The following DFFB variants were observed in gnomAD, a reference collection of about 807,000 sequenced individuals.
DFFB encodes the protein DNA fragmentation factor 40 kDa subunit.
DFFB carries 29 observed loss-of-function variants against 32.7 expected under a neutral mutation model. The observed-to-expected ratio is 0.89, with a 90% CI of 0.66 to 1.21. DFFB has a LOEUF of 1.21. DFFB is among the 50% of genes most tolerant of loss of function. The probability of loss-of-function intolerance (pLI) is 0.00; values close to 1 mark genes in which losing one functional copy is unlikely to be tolerated. For missense variants in DFFB, 398 were observed against 440.6 expected (o/e 0.90, Z 0.87); for synonymous variants, 170 against 177.1 (o/e 0.96, Z 0.32).
intron 5 of DFFB, among the ~76,000 whole-genome samples, chr1:3,870,524 G>A (rs1227158086): frequency 2.0e-5 from 3 of 152,214 alleles, no homozygotes; most frequent in Non-Finnish European, 4.4e-5. Context: ...TTTGCAGTGC[G>A]CTCGCTCACC....
At chr1:3,862,080 A>G (rs1432012382) in intron 2 of DFFB, among the ~76,000 whole-genome samples, 2 of 152,238 alleles carry the variant, frequency 1.3e-5, no homozygotes, top group African/African-American at 4.8e-5. Context: ...CTTCCAACGA[A>G]CAATCTGAAA....
rs981995428 is a variant in DFFB at position 3,884,940 on chromosome 1, C to T, written c.*1199C>T. ...TCTGTTGAACAGCTATCACGTTGAACCACGTGAAACTGCTGTTTTCTAGGC... is the reference window on the plus strand; with the variant it reads ...TCTGTTGAACAGCTATCACGTTGAATCACGTGAAACTGCTGTTTTCTAGGC... On this transcript the variant is annotated 3_prime_UTR_variant, in exon 7 of 7. Transcript: ENST00000378209. 6.6e-6 allele frequency: 1 copy of T among 152,210 alleles called. No individual in the cohort carries two copies. The highest frequency in any genetic ancestry group is 1.5e-5 in the Non-Finnish European group (1 of 68,038). 9.4% of individuals were successfully genotyped at this position (152,210 alleles called of 1,614,324 possible).
In DFFB at chr1:3,857,656, A is replaced by T; in HGVS notation, c.53A>T (p.Lys18Met). The T allele has an allele frequency of 6.2e-7, 1 of 1,600,004 alleles. No homozygotes were observed. The highest frequency in any genetic ancestry group is 8.5e-7 in the Non-Finnish European group (1 of 1,173,802). ...CTGCGGGCCCTGCGCAGCCCGAGGA[A>T]GTTCGGCGTGGCTGGCCGGAGCTGC... ...VKLRALRSPR[K>M]FGVAGRSCQE... Residue 18 changes from lysine to methionine, a missense_variant, in exon 1 of 7, where the codon AAG becomes ATG. Physicochemically the swap from Lys to Met is moderately conservative, Grantham distance 95 (BLOSUM62 -1). Coordinates refer to ENST00000378209, the MANE Select transcript of DFFB (RefSeq NM_004402.4).
chr1:3,859,954 CTGTCTCTGTCTCT>C (rs1644847281), intron 2 of DFFB, among the ~76,000 whole-genome samples: 1 of 152,178 alleles, frequency 6.6e-6, no homozygotes, highest in Admixed American at 6.5e-5. Flanking sequence ...TCTCTCTCCT[CTGTCTCTGTCTCT>C]GGCTCTCTCT....
At chr1:3,861,665 C>T (rs1191929764) in intron 2 of DFFB, among the ~76,000 whole-genome samples, 1 of 152,202 alleles carries the variant, frequency 6.6e-6, no homozygotes, top group East Asian at 1.9e-4. Context: ...TAGGCTCAAG[C>T]AATCTACCCG....
Position 3,868,077 on chromosome 1 carries a change from A to G in DFFB, c.510+24A>G. ...AGGTGAGCCTGAGTGAAGACCGGGT[A>G]TGCTGGGCGGGTTTTTGAAGCCAGG... On this transcript the variant is annotated intron_variant, in intron 4 of 6. Coordinates refer to ENST00000378209, the MANE Select transcript of DFFB (RefSeq NM_004402.4). 1.9e-6 allele frequency: 3 copies of G among 1,611,690 alleles called. No individual in the cohort carries two copies. In the South Asian group the frequency reaches 3.3e-5, roughly 18 times the overall value.
intron 6 of DFFB, among the ~76,000 whole-genome samples, chr1:3,876,319 T>A (rs1315253963): frequency 6.6e-6 from 1 of 152,170 alleles, no homozygotes. Context: ...ATTTACAGAA[T>A]GAAATAGGCC....
intron 6 of DFFB, among the ~76,000 whole-genome samples, chr1:3,874,825 G>A (rs185146444): frequency 3.3e-5 from 5 of 150,200 alleles, no homozygotes; most frequent in African/African-American, 4.9e-5. Context: ...CTGCAGAGCC[G>A]TGTAGCTGCA....
intron 6 of DFFB, among the ~76,000 whole-genome samples, chr1:3,879,977 C>T (rs529645262): frequency 2.6e-5 from 4 of 152,344 alleles, no homozygotes; most frequent in East Asian, 3.9e-4. Context: ...GTCTGGCATT[C>T]GTTCTTGAGC....
chr1:3,880,720 G>A (rs1380939547), intron 6 of DFFB, among the ~76,000 whole-genome samples: 1 of 151,886 alleles, frequency 6.6e-6, no homozygotes, highest in African/African-American at 2.4e-5. Flanking sequence ...GTGTGTTTGG[G>A]CCCGGAGCTC....
At chr1:3,869,867 GCCCTGCC>G (rs1645076853) in intron 5 of DFFB, 92 bp downstream of exon 5, 3 of 1,361,976 alleles carry the variant, frequency 2.2e-6, no homozygotes, top group African/African-American at 1.5e-5. Context: ...TTCAGCCCTT[GCCCTGCC>G]TGGGCAAAGC....
In DFFB at chr1:3,865,651, G is replaced by T. The variant is rs1644962819; in HGVS notation, c.242-161G>T. The T allele has an allele frequency of 9.1e-7, 1 of 1,097,628 alleles. No individual in the cohort carries two copies. Among genetic ancestry groups the T allele is most frequent in the African/African-American group, 1.5e-5 (1 of 64,984 alleles). The allele number at this position is 1,097,628 out of a possible 1,614,324, so 68.0% of individuals were successfully genotyped here. A position where few individuals can be genotyped will look rare whatever the true frequency, so the allele number is the denominator to read the frequency against. On this transcript the variant is annotated intron_variant, in intron 2 of 6. Transcript: ENST00000378209. This position sits in a 1 kb window ranked among gnomAD's most constrained non-coding sequence, Gnocchi z 4.7. ...TTGTGCGTGGTCCCCAGCTGTTGGTGTCAGGGCAAGGACAAAGACCCGGGA... is the reference window on the plus strand; with the variant it reads ...TTGTGCGTGGTCCCCAGCTGTTGGTTTCAGGGCAAGGACAAAGACCCGGGA...
chr1:3,858,341 C>T (rs565980301), intron 1 of DFFB, among the ~76,000 whole-genome samples: 22 of 152,344 alleles, frequency 1.4e-4, no homozygotes, highest in Admixed American at 1.1e-3. Context: ...CTTCGTGTGC[C>T]AGCACCGCTC....
At chr1:3,878,085 C>G (rs1645260528) in intron 6 of DFFB, among the ~76,000 whole-genome samples, 1 of 152,130 alleles carries the variant, frequency 6.6e-6, no homozygotes, top group Non-Finnish European at 1.5e-5. Context: ...GGGTCCCTCG[C>G]TCTCAGCTGT....
At chr1:3,864,223 C>T (rs549342754) in intron 2 of DFFB, among the ~76,000 whole-genome samples, 11 of 152,182 alleles carry the variant, frequency 7.2e-5, no homozygotes, top group African/African-American at 1.7e-4. Context: ...CCTCGGCCTC[C>T]GAAAGTGCTG....
intron 6 of DFFB, among the ~76,000 whole-genome samples, chr1:3,875,639 T>A (rs866347183): frequency 3.9e-5 from 6 of 152,338 alleles, no homozygotes; most frequent in Middle Eastern, 3.4e-3. Context: ...AGGTTGAGCT[T>A]CTCTTTCCAC....
rs969327917 is a variant in DFFB at position 3,877,762 on chromosome 1, T to C, written c.782+5190T>C. ...GTCTTGTGTTCCTGCCTGCCTTTCG[T>C]TGTGGTCTGTTTCCTTGTAACTGGT... On this transcript the variant is annotated intron_variant, in intron 6 of 6. Coordinates refer to ENST00000378209, the MANE Select transcript of DFFB (RefSeq NM_004402.4). Among the ~76,000 whole-genome samples the C allele has an allele frequency of 7.2e-5, 11 of 152,312 alleles. No individual in the cohort carries two copies. The East Asian group carries it at 2.1e-3, about 29-fold the overall frequency.
intron 6 of DFFB, among the ~76,000 whole-genome samples, chr1:3,877,144 TGTCTTTGGCC>T (rs1436921918): frequency 2.0e-5 from 3 of 152,214 alleles, no homozygotes; most frequent in Non-Finnish European, 2.9e-5. Context: ...TCATCACAGC[TGTCTTTGGCC>T]GTCTTTGGCC....
At chr1:3,869,169 C>A (rs1645059590) in intron 4 of DFFB, among the ~76,000 whole-genome samples, 1 of 152,376 alleles carries the variant, frequency 6.6e-6, no homozygotes, top group South Asian at 2.1e-4. Flanking sequence ...AAGTAATCCT[C>A]CTGCCTCAGC....
Sources: gnomAD v4.1 joint callset for allele counts (sites outside exome capture counted in the v4.1 genomes callset) on GRCh38, gnomAD v4.1.1 for gene constraint, Gnocchi (gnomAD v3.1) non-coding constraint, MANE v1.5 for transcripts, NCBI Gene and HGNC (gene_info 2026-07-23, HGNC 2026-07-21) for gene names.